CHSY3: variants seen among roughly 807,000 people sequenced by gnomAD.
The protein encoded by CHSY3 is N-acetylgalactosaminyl-proteoglycan 3-beta-glucuronosyltransferase 3.
In CHSY3, 35 loss-of-function variants were observed where a neutral mutation model predicts 67.2. The ratio of observed to expected loss-of-function variants is 0.52; its 90% CI spans 0.40 to 0.69. The LOEUF (loss-of-function observed/expected upper bound fraction) is 0.69, where lower values mean the gene tolerates loss of function less well. Ranked by LOEUF, CHSY3 falls within the 30% of genes least tolerant of loss-of-function variation. CHSY3 has a pLI of 0.00. For missense variants in CHSY3, 1,069 were observed against 1,138.5 expected (o/e 0.94, Z 0.88); for synonymous variants, 474 against 434.7 (o/e 1.09, Z -1.12).
chr5:130,159,492 C>T (rs1190051915), intron 2 of CHSY3, among the ~76,000 whole-genome samples: 2 of 152,136 alleles, frequency 1.3e-5, no homozygotes, highest in African/African-American at 4.8e-5. Context: ...TTTTTAAAAG[C>T]ATGTTTTATG....
At chr5:130,082,148 G>C (rs926543231) in intron 2 of CHSY3, among the ~76,000 whole-genome samples, 2 of 151,952 alleles carry the variant, frequency 1.3e-5, no homozygotes, top group African/African-American at 4.8e-5. Flanking sequence ...CCAAATGTTA[G>C]CATTTGTCTC....
chr5:129,959,582 A>G (rs1345571175), intron 2 of CHSY3, among the ~76,000 whole-genome samples: 1 of 152,154 alleles, frequency 6.6e-6, no homozygotes, highest in Non-Finnish European at 1.5e-5. Flanking sequence ...AACAATAAAC[A>G]TATATTTATG....
At chr5:130,120,376 C>G (rs1348751979) in intron 2 of CHSY3, among the ~76,000 whole-genome samples, 1 of 151,338 alleles carries the variant, frequency 6.6e-6, no homozygotes, top group Non-Finnish European at 1.5e-5. Context: ...TTCTCTGTAG[C>G]CTGTAAGATA....
chr5:129,982,768 GAGT>G (rs1197423705), intron 2 of CHSY3, among the ~76,000 whole-genome samples: 4 of 151,916 alleles, frequency 2.6e-5, no homozygotes, highest in Non-Finnish European at 5.9e-5. Context: ...AGATAAAATT[GAGT>G]AGAAGTATAT....
chr5:129,987,739 A>G (rs929490472), intron 2 of CHSY3, among the ~76,000 whole-genome samples: 3 of 152,200 alleles, frequency 2.0e-5, no homozygotes, highest in Admixed American at 6.5e-5. Context: ...GTTGACTATA[A>G]ATTTAATAAA....
In CHSY3 at chr5:130,053,202, A is replaced by G. The variant is rs542894030; in HGVS notation, c.1087-131027A>G. On this transcript the variant is annotated intron_variant, in intron 2 of 2. Coordinates refer to ENST00000305031, the MANE Select transcript of CHSY3 (RefSeq NM_175856.5). Reference sequence around the variant, plus strand: ...GTATAGAGTTAGTCTCCTGAAGGAGAAAAGAATCACATGATAGCTAAGTAA... The same window carrying G: ...GTATAGAGTTAGTCTCCTGAAGGAGGAAAGAATCACATGATAGCTAAGTAA... Among the ~76,000 whole-genome samples, 49 of 152,292 alleles carry G rather than the reference A, an allele frequency of 3.2e-4. 1 individual carries two copies. Among genetic ancestry groups the G allele is most frequent in the African/African-American group, 1.1e-3 (47 of 41,572 alleles).
At chr5:130,043,372 T>A (rs1344520297) in intron 2 of CHSY3, among the ~76,000 whole-genome samples, 1 of 152,120 alleles carries the variant, frequency 6.6e-6, no homozygotes. Flanking sequence ...ATTCATCAGA[T>A]ATTTCCCTGA....
At chr5:130,094,211 A>G (rs1192521363) in intron 2 of CHSY3, among the ~76,000 whole-genome samples, 1 of 152,128 alleles carries the variant, frequency 6.6e-6, no homozygotes. Flanking sequence ...TTTTCAGTGA[A>G]TAGATGGTGC....
At chr5:130,088,857 C>T (rs375197764) in intron 2 of CHSY3, among the ~76,000 whole-genome samples, 1 of 152,110 alleles carries the variant, frequency 6.6e-6, no homozygotes, top group African/African-American at 2.4e-5. Flanking sequence ...TTTGACCCAG[C>T]CATCCCATTA....
chr5:129,914,834 T>G (rs1208316343), intron 2 of CHSY3, among the ~76,000 whole-genome samples: 2 of 152,222 alleles, frequency 1.3e-5, no homozygotes, highest in Non-Finnish European at 1.5e-5. Flanking sequence ...AGAAGATGAT[T>G]TACTACAATT....
intron 2 of CHSY3, among the ~76,000 whole-genome samples, chr5:130,143,717 T>C (rs1768947352): frequency 7.9e-6 from 1 of 126,656 alleles, no homozygotes; most frequent in Non-Finnish European, 1.6e-5. Flanking sequence ...GGTATATATA[T>C]ATATGTGTGT....
chr5:130,098,647 G>T (rs988636170), intron 2 of CHSY3, among the ~76,000 whole-genome samples: 1 of 152,184 alleles, frequency 6.6e-6, no homozygotes, highest in Admixed American at 6.5e-5. Flanking sequence ...GATGGAGTAG[G>T]TTCTAGAAGA....
chr5:130,114,239 T>A (rs1181487337), intron 2 of CHSY3, among the ~76,000 whole-genome samples: 1 of 152,120 alleles, frequency 6.6e-6, no homozygotes, highest in Non-Finnish European at 1.5e-5. Context: ...GTTTTCAACT[T>A]GAGAATTATG....
In CHSY3 at chr5:129,905,440, A is replaced by G. The variant is rs1309294906; in HGVS notation, c.611A>G (p.Glu204Gly). The change falls in exon 1 of 3, where the codon GAG (glutamate) becomes GGG (glycine). Residue 204 changes from glutamate (E) to glycine (G), a missense_variant. By Grantham distance (98) the Glu-to-Gly change is moderately conservative (BLOSUM62 -2). Transcript: ENST00000305031. ...GCGCGTTTCATCCCGGGCCGCGTGGAGTTCTTTTCCAGCCAGCAGCCCCCC... is the reference window on the plus strand; with the variant it reads ...GCGCGTTTCATCCCGGGCCGCGTGGGGTTCTTTTCCAGCCAGCAGCCCCCC... ...TWARFIPGRVEFFSSQQPPNA... is the reference protein window; with the variant it reads ...TWARFIPGRVGFFSSQQPPNA... The G allele has an allele frequency of 1.2e-6, 2 of 1,611,712 alleles. No individual in the cohort carries two copies. Among genetic ancestry groups the G allele is most frequent in the African/African-American group, 2.7e-5 (2 of 74,874 alleles).
At chr5:130,051,924 G>C (rs1407901397) in intron 2 of CHSY3, among the ~76,000 whole-genome samples, 1 of 144,358 alleles carries the variant, frequency 6.9e-6, no homozygotes, top group Non-Finnish European at 1.5e-5. Context: ...AATGACAACT[G>C]TGTGCATTAA....
At chr5:130,077,218 A>G (rs1462325016) in intron 2 of CHSY3, among the ~76,000 whole-genome samples, 1 of 152,080 alleles carries the variant, frequency 6.6e-6, no homozygotes, top group East Asian at 1.9e-4. Context: ...CAGAAGAAGT[A>G]TGAGGCCTGC....
intron 2 of CHSY3, among the ~76,000 whole-genome samples, chr5:130,021,913 A>G (rs1438604055): frequency 6.6e-6 from 1 of 152,140 alleles, no homozygotes; most frequent in African/African-American, 2.4e-5. Context: ...TCTTGCCAAT[A>G]TATGTAATTA....
chr5:129,924,349 T>A (rs533908751), intron 2 of CHSY3, among the ~76,000 whole-genome samples: 2 of 152,194 alleles, frequency 1.3e-5, no homozygotes, highest in African/African-American at 4.8e-5. Flanking sequence ...CTGAATGCTT[T>A]TAAAATTAGA....
intron 2 of CHSY3, among the ~76,000 whole-genome samples, chr5:130,150,751 A>C (rs1322278059): frequency 6.6e-6 from 1 of 152,212 alleles, no homozygotes; most frequent in Non-Finnish European, 1.5e-5. Context: ...ACACATTCAA[A>C]ATAGTACAGG....
Sources: allele counts gnomAD v4.1 joint callset (sites outside exome capture counted in the v4.1 genomes callset), GRCh38; gene constraint gnomAD v4.1.1; transcripts MANE v1.5; gene names NCBI Gene and HGNC (gene_info 2026-07-23, HGNC 2026-07-21).